The following ARFGEF2 variants were observed in gnomAD, a reference collection of about 807,000 sequenced individuals.
ARFGEF2 encodes ARF guanine nucleotide exchange factor 2, also known as brefeldin A-inhibited guanine nucleotide-exchange protein 2.
Under a neutral mutation model 219.9 loss-of-function variants are expected in ARFGEF2, and 74 were observed. That is an observed-to-expected ratio of 0.34 (90% CI 0.28 to 0.41). The LOEUF (loss-of-function observed/expected upper bound fraction) is 0.41. ARFGEF2 is among the 10% of genes least tolerant of loss of function. The probability of loss-of-function intolerance (pLI) is 1.00; values close to 1 mark genes in which losing one functional copy is unlikely to be tolerated. For missense variants in ARFGEF2, 1,743 were observed against 2,218.3 expected (o/e 0.79, Z 4.30); for synonymous variants, 733 against 799.2 (o/e 0.92, Z 1.40).
intron 6 of ARFGEF2, among the ~76,000 whole-genome samples, chr20:48,962,675 G>A (rs2091161052): frequency 6.6e-6 from 1 of 152,100 alleles, no homozygotes; most frequent in Admixed American, 6.5e-5. Context: ...TCTAGGAAAA[G>A]CTTATAACAT....
At position 48,965,980 on chromosome 20, in the gene ARFGEF2, G is replaced by C; in HGVS notation, c.1016G>C (p.Gly339Ala). Residue 339 changes from glycine to alanine, a missense_variant, in exon 8 of 39, where the codon GGG becomes GCG. Transcript: ENST00000371917. ...PGVDENSQTN[G>A]IADDRQSLSS... ...GTTGATGAAAACTCACAGACCAACG[G>C]GATAGCCGATGACAGGCAGTCCTTG... 6.2e-7 allele frequency: 1 copy of C among 1,614,114 alleles called. No individual in the cohort carries two copies. Among genetic ancestry groups the C allele is most frequent in the Non-Finnish European group, 8.5e-7 (1 of 1,179,996 alleles).
At chr20:48,968,058 A>G (rs566411780) in intron 8 of ARFGEF2, among the ~76,000 whole-genome samples, 8 of 152,204 alleles carry the variant, frequency 5.3e-5, no homozygotes, top group Admixed American at 2.6e-4. Flanking sequence ...CAGTGGCGCA[A>G]TCTTGGCTCA....
intron 1 of ARFGEF2, among the ~76,000 whole-genome samples, chr20:48,926,113 T>G (rs1319803309): frequency 1.3e-5 from 2 of 152,182 alleles, no homozygotes; most frequent in African/African-American, 4.8e-5. Flanking sequence ...ACTCAGTAAG[T>G]GATGGAACCA....
At chr20:48,924,975 C>T (rs1430341722) in intron 1 of ARFGEF2, among the ~76,000 whole-genome samples, 1 of 152,200 alleles carries the variant, frequency 6.6e-6, no homozygotes, top group South Asian at 2.1e-4. Context: ...TGACAAACCA[C>T]AGCAGCTGTA....
At position 48,969,187 on chromosome 20, in the gene ARFGEF2, C is replaced by T. The variant is rs2091210167; in HGVS notation, c.1100C>T (p.Ser367Phe). 8.7e-6 allele frequency: 14 copies of T among 1,614,084 alleles called. No individual in the cohort carries two copies. The highest frequency in any genetic ancestry group is 1.2e-5 in the Non-Finnish European group (14 of 1,180,036). Residue 367 changes from serine to phenylalanine, a missense_variant, in exon 9 of 39, where the codon TCC becomes TTC. Physicochemically the swap from Ser to Phe is radical, Grantham distance 155 (BLOSUM62 -2). Coordinates refer to ENST00000371917, the MANE Select transcript of ARFGEF2 (RefSeq NM_006420.3). ...AQGHQVAARFSHVLQKDAFLV... is the reference protein window; with the variant it reads ...AQGHQVAARFFHVLQKDAFLV... ...GGACATCAAGTGGCTGCCAGGTTCT[C>T]CCACGTTCTGCAGAAGGATGCCTTC... is the stretch of plus-strand genomic sequence containing the variant.
intron 14 of ARFGEF2, among the ~76,000 whole-genome samples, chr20:48,976,883 T>C (rs2091265483): frequency 1.3e-5 from 2 of 152,164 alleles, no homozygotes; most frequent in Admixed American, 1.3e-4. Context: ...ACATGAAAAA[T>C]TTCAGCATAC....
At chr20:48,952,987 T>C in intron 5 of ARFGEF2, 103 bp downstream of exon 5, 1 of 1,209,494 alleles carries the variant, frequency 8.3e-7, no homozygotes, top group Non-Finnish European at 1.2e-6. Flanking sequence ...ATTTTAAAGC[T>C]ACCCCTTCTT....
At chr20:49,011,168 G>A (rs759888446) in intron 27 of ARFGEF2, among the ~76,000 whole-genome samples, 1 of 152,142 alleles carries the variant, frequency 6.6e-6, no homozygotes, top group Non-Finnish European at 1.5e-5. Context: ...TGAGTTCGGT[G>A]TTAATGAATC....
intron 4 of ARFGEF2, among the ~76,000 whole-genome samples, chr20:48,951,964 T>C (rs2091073680): frequency 6.6e-6 from 1 of 152,118 alleles, no homozygotes; most frequent in South Asian, 2.1e-4. Flanking sequence ...GGCTCCATGC[T>C]AGATAAACCT....
At chr20:48,927,695 A>T (rs978430922) in intron 1 of ARFGEF2, among the ~76,000 whole-genome samples, 2 of 152,104 alleles carry the variant, frequency 1.3e-5, no homozygotes, top group Admixed American at 6.5e-5. Flanking sequence ...CTCAAAAAAA[A>T]AAAAATTAAA....
intron 23 of ARFGEF2, 185 bp from the exon 24 acceptor site, chr20:48,998,008 C>A: frequency 3.3e-6 from 2 of 598,332 alleles, no homozygotes; most frequent in Admixed American, 4.7e-5. Flanking sequence ...CAGGTGCCCG[C>A]CACCACGCCC....
At position 48,989,599 on chromosome 20, in the gene ARFGEF2, A is replaced by G; in HGVS notation, c.2729A>G (p.Gln910Arg). 1 of 1,614,228 alleles carries G rather than the reference A, an allele frequency of 6.2e-7. No homozygotes were observed. The highest frequency in any genetic ancestry group is 8.5e-7 in the Non-Finnish European group (1 of 1,180,042). ...TTGGCAGCCTACAGCATCGGACTCC[A>G]GAACTGTGATGACACTGAAGTGGCC... is the stretch of plus-strand genomic sequence containing the variant. Reference protein sequence around the residue: ...PLLAAYSIGLQNCDDTEVASL... With the variant: ...PLLAAYSIGLRNCDDTEVASL... The change falls in exon 20 of 39, where the codon CAG becomes CGG. Residue 910 changes from glutamine (Q) to arginine (R), a missense_variant. Gln to Arg is a conservative substitution (Grantham distance 43, BLOSUM62 1). Around this residue, in one of 5 missense-constraint regions of ARFGEF2, gnomAD observed 666 missense variants for 955.4 expected, o/e 0.70. Coordinates refer to ENST00000371917, the MANE Select transcript of ARFGEF2 (RefSeq NM_006420.3).
chr20:48,947,770 C>G (rs1427780254), intron 3 of ARFGEF2, among the ~76,000 whole-genome samples: 1 of 152,054 alleles, frequency 6.6e-6, no homozygotes, highest in Non-Finnish European at 1.5e-5. Flanking sequence ...GTGGGAGGAT[C>G]ACTTGAGCCT....
At position 49,017,242 on chromosome 20, in the gene ARFGEF2, T is replaced by C; in HGVS notation, c.4316-7T>C. On this transcript the variant is annotated splice_region_variant and splice_polypyrimidine_tract_variant and intron_variant, in intron 31 of 38. Coordinates refer to ENST00000371917, the MANE Select transcript of ARFGEF2 (RefSeq NM_006420.3). ...AGTTTAATGATAGATACTGCTTTATTTTACAGATAATGAACAGTTGGCGCG... is the reference window on the plus strand; with the variant it reads ...AGTTTAATGATAGATACTGCTTTATCTTACAGATAATGAACAGTTGGCGCG... 6.2e-7 allele frequency: 1 copy of C among 1,613,810 alleles called. No homozygotes were observed. The highest frequency in any genetic ancestry group is 8.5e-7 in the Non-Finnish European group (1 of 1,179,942).
At chr20:48,936,607 C>T (rs866539299) in intron 1 of ARFGEF2, among the ~76,000 whole-genome samples, 1 of 152,182 alleles carries the variant, frequency 6.6e-6, no homozygotes, top group Admixed American at 6.5e-5. Flanking sequence ...TCACTGCGCC[C>T]TTTGCCTCCA....
At chr20:49,006,748 G>A (rs1352519817) in intron 26 of ARFGEF2, among the ~76,000 whole-genome samples, 1 of 152,222 alleles carries the variant, frequency 6.6e-6, no homozygotes, top group Non-Finnish European at 1.5e-5. Context: ...GGCTTGAATG[G>A]AGGGAACAAG....
chr20:48,933,595 G>A (rs1420277198), intron 1 of ARFGEF2, among the ~76,000 whole-genome samples: 2 of 151,914 alleles, frequency 1.3e-5, no homozygotes, highest in Non-Finnish European at 2.9e-5. Context: ...TTGATCCCAC[G>A]GAGATCCCAC....
intron 8 of ARFGEF2, among the ~76,000 whole-genome samples, chr20:48,967,875 A>G (rs113967455): frequency 4.6e-5 from 7 of 152,178 alleles, no homozygotes; most frequent in African/African-American, 1.7e-4. Context: ...ATTTGCATCT[A>G]TTGGTACATT....
intron 1 of ARFGEF2, among the ~76,000 whole-genome samples, chr20:48,937,258 C>A (rs779531354): frequency 1.3e-5 from 2 of 152,238 alleles, no homozygotes; most frequent in Non-Finnish European, 2.9e-5. Flanking sequence ...CTCACAGCAG[C>A]CAGAGTGATC....
Sources: allele counts gnomAD v4.1 joint callset (sites outside exome capture counted in the v4.1 genomes callset), GRCh38; gene constraint gnomAD v4.1.1; regional missense constraint gnomAD v4.1.1; transcripts MANE v1.5; gene names NCBI Gene and HGNC (gene_info 2026-07-23, HGNC 2026-07-21).